FLYWCH1: variants seen among roughly 807,000 people sequenced by gnomAD.
The protein encoded by FLYWCH1 is FLYWCH-type zinc finger-containing protein 1.
In FLYWCH1, 75 loss-of-function variants were observed where a neutral mutation model predicts 66.4. The ratio of observed to expected loss-of-function variants is 1.13; its 90% CI spans 0.94 to 1.37. FLYWCH1 has a LOEUF of 1.37. Ranked by LOEUF, FLYWCH1 falls within the 40% of genes most tolerant of loss-of-function variation. FLYWCH1 has a pLI of 0.00. For missense variants in FLYWCH1, 1,334 were observed against 1,001.8 expected (o/e 1.33, Z -4.48); for synonymous variants, 595 against 429.9 (o/e 1.38, Z -4.75).
chr16:2,945,485 C>CAAA (rs60942194), intron 9 of FLYWCH1, among the ~76,000 whole-genome samples: 6 of 87,914 alleles, frequency 6.8e-5, no homozygotes, highest in Non-Finnish European at 8.9e-5. Context: ...GACTCCATCT[C>CAAA]AAAAAAAAAA....
intron 9 of FLYWCH1, among the ~76,000 whole-genome samples, chr16:2,948,436 A>G (rs992075901): frequency 6.6e-6 from 1 of 151,910 alleles, no homozygotes; most frequent in Non-Finnish European, 1.5e-5. Flanking sequence ...GATGGCATGC[A>G]CCTGTAGTCC....
chr16:2,931,362 GCCTATAAT>G (rs2070757445), intron 4 of FLYWCH1, among the ~76,000 whole-genome samples: 1 of 150,060 alleles, frequency 6.7e-6, no homozygotes, highest in African/African-American at 2.5e-5. Context: ...CAGTGTTCAT[GCCTATAAT>G]CCTAGCACTT....
At chr16:2,941,014 C>T (rs1255977117) in intron 9 of FLYWCH1, among the ~76,000 whole-genome samples, 1 of 152,098 alleles carries the variant, frequency 6.6e-6, no homozygotes, top group South Asian at 2.1e-4. Flanking sequence ...GCATGTAATC[C>T]AAGCTATTCG....
intron 6 of FLYWCH1, 116 bp from the exon 7 acceptor site, chr16:2,937,005 G>A: frequency 3.4e-6 from 4 of 1,164,786 alleles, no homozygotes; most frequent in Non-Finnish European, 4.6e-6. Flanking sequence ...GGGCTCCGGG[G>A]CCACCTCACT....
chr16:2,938,057 A>C, intron 7 of FLYWCH1, 127 bp from the exon 8 acceptor site: 1 of 892,374 alleles, frequency 1.1e-6, no homozygotes, highest in Non-Finnish European at 1.7e-6. Flanking sequence ...GAGGGCAGGG[A>C]CCACCGTGCA....
intron 9 of FLYWCH1, among the ~76,000 whole-genome samples, chr16:2,941,561 C>A (rs918002585): frequency 6.6e-6 from 1 of 151,110 alleles, no homozygotes; most frequent in Non-Finnish European, 1.5e-5. Context: ...GCCTGGGAGA[C>A]AGAGCAAGAT....
chr16:2,929,154 T>C (rs2070672030), intron 2 of FLYWCH1, among the ~76,000 whole-genome samples: 1 of 152,212 alleles, frequency 6.6e-6, no homozygotes, highest in Non-Finnish European at 1.5e-5. Flanking sequence ...TCCCTGGGCA[T>C]CTGAGCAGAA....
At chr16:2,939,748 G>C (rs186179502) in intron 8 of FLYWCH1, 5 of 336,380 alleles carry the variant, frequency 1.5e-5, no homozygotes, top group Non-Finnish European at 2.7e-5. Flanking sequence ...AGCCACTATC[G>C]AGCTTACAGA....
intron 4 of FLYWCH1, 78 bp from the exon 5 acceptor site, chr16:2,933,052 C>A: frequency 1.6e-6 from 2 of 1,288,776 alleles, no homozygotes; most frequent in Non-Finnish European, 2.2e-6. Flanking sequence ...TCGTGTCAGC[C>A]CCCACAGTCT....
chr16:2,940,723 C>T (rs1022057721), intron 9 of FLYWCH1, among the ~76,000 whole-genome samples: 2 of 152,234 alleles, frequency 1.3e-5, no homozygotes, highest in African/African-American at 4.8e-5. Context: ...AGGCAAGAGC[C>T]ACTGTGCCCA....
intron 6 of FLYWCH1, 57 bp from the exon 7 acceptor site, chr16:2,937,064 C>T: frequency 6.7e-7 from 1 of 1,502,122 alleles, no homozygotes; most frequent in Non-Finnish European, 8.9e-7. Context: ...CGGGGCCATG[C>T]TGATCTGGGC....
At position 2,933,228 on chromosome 16, in the gene FLYWCH1, A is replaced by C; in HGVS notation, c.895A>C (p.Lys299Gln). The change falls in exon 5 of 10, where the codon AAG becomes CAG. Residue 299 changes from lysine to glutamine, a missense_variant. By Grantham distance (53) the Lys-to-Gln change is moderately conservative. Coordinates refer to ENST00000253928, the MANE Select transcript of FLYWCH1 (RefSeq NM_001308068.2). Reference sequence around the variant, plus strand: ...CAAGCGGGAGAAGGCTGTCGGGGACAAGGTGTATTGGACCTGCCGGGACCA... The same window carrying C: ...CAAGCGGGAGAAGGCTGTCGGGGACCAGGTGTATTGGACCTGCCGGGACCA... ...LYKREKAVGD[K>Q]VYWTCRDHAL... 5 of 1,613,544 alleles carry C rather than the reference A, an allele frequency of 3.1e-6. No individual in the cohort carries two copies. Among genetic ancestry groups the C allele is most frequent in the Non-Finnish European group, 4.2e-6 (5 of 1,179,786 alleles).
At chr16:2,934,845 T>G in intron 6 of FLYWCH1, 1 of 297,598 alleles carries the variant, frequency 3.4e-6, no homozygotes, top group South Asian at 2.7e-5. Flanking sequence ...CCCTATTTCC[T>G]AAAATGTGCC....
intron 9 of FLYWCH1, among the ~76,000 whole-genome samples, chr16:2,947,011 C>T (rs182754404): frequency 9.9e-5 from 15 of 152,252 alleles, no homozygotes; most frequent in Admixed American, 8.5e-4. Flanking sequence ...CCCAGGAGAA[C>T]TGAAAACACA....
chr16:2,940,297 C>T (rs975146574), intron 9 of FLYWCH1: 4 of 521,126 alleles, frequency 7.7e-6, no homozygotes, highest in Middle Eastern at 5.1e-4. Flanking sequence ...GGAGGCCCTG[C>T]TCCTCACCAT....
At chr16:2,938,824 G>C (rs2071138488) in intron 8 of FLYWCH1, among the ~76,000 whole-genome samples, 1 of 151,704 alleles carries the variant, frequency 6.6e-6, no homozygotes, top group South Asian at 2.1e-4. Flanking sequence ...ATGTTAGCCA[G>C]GATGGTCTTG....
chr16:2,934,101 G>C, intron 6 of FLYWCH1, 122 bp downstream of exon 6: 4 of 1,242,874 alleles, frequency 3.2e-6, no homozygotes, highest in Admixed American at 2.8e-5. Flanking sequence ...GAACATCCTA[G>C]AAGGAACTAT....
At chr16:2,945,832 C>T (rs1245976407) in intron 9 of FLYWCH1, among the ~76,000 whole-genome samples, 3 of 151,834 alleles carry the variant, frequency 2.0e-5, no homozygotes, top group Non-Finnish European at 2.9e-5. Flanking sequence ...CCCATCTCTA[C>T]TAAAAATACA....
At chr16:2,942,436 C>T (rs1271205189) in intron 9 of FLYWCH1, among the ~76,000 whole-genome samples, 1 of 152,142 alleles carries the variant, frequency 6.6e-6, no homozygotes, top group Non-Finnish European at 1.5e-5. Context: ...GCATGAGCCG[C>T]AATGCTTGGC....
Sources: allele counts gnomAD v4.1 joint callset (sites outside exome capture counted in the v4.1 genomes callset), GRCh38; gene constraint gnomAD v4.1.1; transcripts MANE v1.5; gene names NCBI Gene and HGNC (gene_info 2026-07-23, HGNC 2026-07-21).